KCNQ1: variants seen among roughly 807,000 people sequenced by gnomAD.
The protein encoded by KCNQ1 is potassium voltage-gated channel subfamily Q member 1.
KCNQ1 carries 49 observed loss-of-function variants against 72.4 expected under a neutral mutation model. That is an observed-to-expected ratio of 0.68 (90% CI 0.54 to 0.86). The LOEUF (loss-of-function observed/expected upper bound fraction) is 0.86. Among genes scored for constraint, KCNQ1 ranks in the 40% least tolerant of loss-of-function variants. KCNQ1 has a pLI of 0.00. For missense variants in KCNQ1, 790 were observed against 945.1 expected, an observed-to-expected ratio of 0.84 and a Z score of 2.15; for synonymous variants, 450 against 412.6, an observed-to-expected ratio of 1.09 and a Z score of -1.10.
At chr11:2,644,545 T>G (rs1849637162) in intron 10 of KCNQ1, 2 of 398,528 alleles carry the variant, frequency 5.0e-6, no homozygotes, top group Non-Finnish European at 8.8e-6. Context: ...TTTTCAAGGT[T>G]TCATCAATTT....
chr11:2,709,817 T>C (rs1850975918), intron 11 of KCNQ1, among the ~76,000 whole-genome samples: 1 of 152,240 alleles, frequency 6.6e-6, no homozygotes. Flanking sequence ...GTATCAGTGT[T>C]TCATTCCTTT....
Position 2,669,083 on chromosome 11 carries a change from G to A in KCNQ1, c.1514+7002G>A. 3 of 398,734 alleles carry A rather than the reference G, an allele frequency of 7.5e-6. No homozygotes were observed. The highest frequency in any genetic ancestry group is 1.3e-5 in the Non-Finnish European group (3 of 226,126). The allele number at this position is 398,734 out of a possible 1,614,324, so 24.7% of individuals were successfully genotyped here. On this transcript the variant is annotated intron_variant, in intron 11 of 15. Transcript: ENST00000155840. The surrounding 1 kb of genome is among the most constrained non-coding windows in gnomAD (Gnocchi z 5.6). ...CTCCCAACTACCCTGCCGTATCAGT[G>A]TCTTTACAATCAGCTCACTGGCTAC...
In KCNQ1 at chr11:2,471,645, CA is replaced by C. The variant is rs1846460319; in HGVS notation, c.386+26162del. 6.7e-6 allele frequency among the ~76,000 whole-genome samples: 1 copy of C among 149,064 alleles called. No individual in the cohort carries two copies. The highest frequency in any genetic ancestry group is 1.5e-5 in the Non-Finnish European group (1 of 67,230). On this transcript the variant is annotated intron_variant, in intron 1 of 15. Transcript: ENST00000155840. This position sits in a 1 kb window ranked among gnomAD's most constrained non-coding sequence, Gnocchi z 4.8. ...GTGCACGTATGCACGGATGTGTGTA[CA>C]CATGTGTATGGGTGTGTGCATGGGT...
At chr11:2,843,763 G>T (rs111293340) in intron 15 of KCNQ1, among the ~76,000 whole-genome samples, 1 of 152,218 alleles carries the variant, frequency 6.6e-6, no homozygotes, top group African/African-American at 2.4e-5. Context: ...TTTGATCGCC[G>T]GCCGCCCGGG....
rs199472677 is a variant in KCNQ1 at position 2,445,426 on chromosome 11, G to A, written c.328G>A (p.Val110Ile). 6.3e-5 allele frequency: 101 copies of A among 1,597,702 alleles called. No homozygotes were observed. The highest frequency in any genetic ancestry group is 1.6e-4 in the Middle Eastern group (1 of 6,070). Residue 110 changes from valine (V) to isoleucine (I), a missense_variant, in exon 1 of 16, where the codon GTC becomes ATC. Val to Ile is a conservative substitution (Grantham distance 29). Around this residue, in one of 5 missense-constraint regions of KCNQ1, gnomAD observed 294 missense variants for 323.3 expected, o/e 0.91. Coordinates refer to ENST00000155840, the MANE Select transcript of KCNQ1 (RefSeq NM_000218.3). ...VLARTHVQGR[V>I]YNFLERPTGW... ...GGCGCGCACCCACGTCCAGGGCCGC[G>A]TCTACAACTTCCTCGAGCGTCCCAC...
At chr11:2,594,569 C>G (rs142116549) in intron 10 of KCNQ1, among the ~76,000 whole-genome samples, 1 of 152,146 alleles carries the variant, frequency 6.6e-6, no homozygotes, top group Admixed American at 6.5e-5. Flanking sequence ...TCTTCCTCAG[C>G]TGTCTCATAG....
chr11:2,669,551 A>C lies in KCNQ1; in HGVS notation c.1514+7470A>C. ...GCTGAATCCAGGGACAAGGTCTGTC[A>C]GGGAGCCCTGGCCAGCTTGGGTCAT... is the stretch of plus-strand genomic sequence containing the variant. On this transcript the variant is annotated intron_variant, in intron 11 of 15. Transcript: ENST00000155840. This position sits in a 1 kb window ranked among gnomAD's most constrained non-coding sequence, Gnocchi z 5.6. 1 of 398,616 alleles carries C rather than the reference A, an allele frequency of 2.5e-6. No homozygotes were observed. Among genetic ancestry groups the C allele is most frequent in the Non-Finnish European group, 4.4e-6 (1 of 226,078 alleles). 24.7% of individuals were successfully genotyped at this position (398,616 alleles called of 1,614,324 possible).
At chr11:2,542,686 CTTG>C (rs1454922915) in intron 2 of KCNQ1, among the ~76,000 whole-genome samples, 2 of 152,120 alleles carry the variant, frequency 1.3e-5, no homozygotes, top group East Asian at 1.9e-4. Context: ...TTTTCTGGGG[CTTG>C]TTGTCAGTGC....
At position 2,746,039 on chromosome 11, in the gene KCNQ1, G is replaced by A. The variant is rs778933525; in HGVS notation, c.1515-22805G>A. ...TGAGTAGCTGGGACTACAGGTGTGC[G>A]CCACCACACCTAGCTAATTTTTGTA... On this transcript the variant is annotated intron_variant, in intron 11 of 15. Transcript: ENST00000155840. This position sits in a 1 kb window ranked among gnomAD's most constrained non-coding sequence, Gnocchi z 5.9. 9.2e-5 allele frequency among the ~76,000 whole-genome samples: 14 copies of A among 152,092 alleles called. No homozygotes were observed. The highest frequency in any genetic ancestry group is 2.0e-4 in the Admixed American group (3 of 15,272).
rs1850232512 is a variant in KCNQ1 at position 2,673,747 on chromosome 11, G to T, written c.1514+11666G>T. On this transcript the variant is annotated intron_variant, in intron 11 of 15. Coordinates refer to ENST00000155840, the MANE Select transcript of KCNQ1 (RefSeq NM_000218.3). This position sits in a 1 kb window ranked among gnomAD's most constrained non-coding sequence, Gnocchi z 4.5. ...AGGCCCAGACTGGACAGGGGAAGGGGTACAGTCCCTTCTTGCTGGTATGTT... is the reference window on the plus strand; with the variant it reads ...AGGCCCAGACTGGACAGGGGAAGGGTTACAGTCCCTTCTTGCTGGTATGTT... 2 of 398,564 alleles carry T rather than the reference G, an allele frequency of 5.0e-6. No homozygotes were observed. Among genetic ancestry groups the T allele is most frequent in the Middle Eastern group, 6.3e-4 (1 of 1,590 alleles). The allele number at this position is 398,564 out of a possible 1,614,324, so 24.7% of individuals were successfully genotyped here. A position where few individuals can be genotyped will look rare whatever the true frequency, so the allele number is the denominator to read the frequency against.
At chr11:2,660,575 CAGGCA>C in intron 10 of KCNQ1, 1 of 398,602 alleles carries the variant, frequency 2.5e-6, no homozygotes, top group Non-Finnish European at 4.4e-6. Flanking sequence ...AGGACATGAA[CAGGCA>C]ATTCTGCAAG....
rs1200697201 is a variant in KCNQ1, at chr11:2,815,158, T to A, written c.1795-32609T>A. On this transcript the variant is annotated intron_variant, in intron 15 of 15. Coordinates refer to ENST00000155840, the MANE Select transcript of KCNQ1 (RefSeq NM_000218.3). The surrounding 1 kb of genome is among the most constrained non-coding windows in gnomAD (Gnocchi z 5.4). Reference sequence around the variant, plus strand: ...CCAATCCCTCCCCAAATTACCCCCATGCTCAGGGTGTCACTGAGGGTCCCA... The same window carrying A: ...CCAATCCCTCCCCAAATTACCCCCAAGCTCAGGGTGTCACTGAGGGTCCCA... 6.6e-6 allele frequency among the ~76,000 whole-genome samples: 1 copy of A among 152,168 alleles called. No homozygotes were observed. The highest frequency in any genetic ancestry group is 1.9e-4 in the East Asian group (1 of 5,194).
At chr11:2,742,409 C>T (rs1846070824) in intron 11 of KCNQ1, among the ~76,000 whole-genome samples, 1 of 152,244 alleles carries the variant, frequency 6.6e-6, no homozygotes, top group South Asian at 2.1e-4. Context: ...CTCACGGCCA[C>T]CTGGCCACTG....
rs1383035176 is a variant in KCNQ1, at chr11:2,620,211, A to ATATTTTT, written c.1393+31358_1393+31359insATTTTTT. 3.1e-5 allele frequency: 8 copies of ATATTTTT among 261,998 alleles called. No individual in the cohort carries two copies. Among genetic ancestry groups the ATATTTTT allele is most frequent in the African/African-American group, 7.9e-5 (3 of 38,118 alleles). The allele number at this position is 261,998 out of a possible 1,614,324, so 16.2% of individuals were successfully genotyped here. A position where few individuals can be genotyped will look rare whatever the true frequency, so the allele number is the denominator to read the frequency against. On this transcript the variant is annotated intron_variant, in intron 10 of 15. Coordinates refer to ENST00000155840, the MANE Select transcript of KCNQ1 (RefSeq NM_000218.3). The surrounding 1 kb of genome is among the most constrained non-coding windows in gnomAD (Gnocchi z 4.5). ...TAAGTTCATTCATGTATATATATAT[A>ATATTTTT]TTTTTTTTTTTTATTTTTTTTTTAG...
chr11:2,558,413 G>A (rs1026467698), intron 2 of KCNQ1, among the ~76,000 whole-genome samples: 1 of 150,552 alleles, frequency 6.6e-6, no homozygotes, highest in Non-Finnish European at 1.5e-5. Context: ...CAGTGTGCTG[G>A]GGGTCTCCAG....
At position 2,772,011 on chromosome 11, in the gene KCNQ1, G is replaced by A. The variant is rs1483165183; in HGVS notation, c.1590+3092G>A. Among the ~76,000 whole-genome samples the A allele has an allele frequency of 6.6e-6, 1 of 152,150 alleles. No individual in the cohort carries two copies. Among genetic ancestry groups the A allele is most frequent in the Non-Finnish European group, 1.5e-5 (1 of 68,012 alleles). ...GCCTTGCAGAAACCTGGCAACAGCA[G>A]GATCCTCGCAGGGCACAGAGGCTCC... On this transcript the variant is annotated intron_variant, in intron 12 of 15. Transcript: ENST00000155840. The surrounding 1 kb of genome is among the most constrained non-coding windows in gnomAD (Gnocchi z 6.6).
chr11:2,551,041 A>G (rs993946629), intron 2 of KCNQ1, among the ~76,000 whole-genome samples: 2 of 152,116 alleles, frequency 1.3e-5, no homozygotes, highest in Non-Finnish European at 1.5e-5. Context: ...AGATTAACTA[A>G]AAAGTATTGT....
rs926917875 is a variant in KCNQ1 at position 2,688,239 on chromosome 11, G to A, written c.1514+26158G>A. 20 of 398,660 alleles carry A rather than the reference G, an allele frequency of 5.0e-5. No individual in the cohort carries two copies. The Admixed American group carries it at 6.6e-4, about 13-fold the overall frequency. The allele number at this position is 398,660 out of a possible 1,614,324, so 24.7% of individuals were successfully genotyped here. ...CCAAAGGTTGTAGCCACTCATACAG[G>A]GCTGTTTGATCTGAGAGGGAGGCGC... On this transcript the variant is annotated intron_variant, in intron 11 of 15. Coordinates refer to ENST00000155840, the MANE Select transcript of KCNQ1 (RefSeq NM_000218.3).
chr11:2,705,976 G>C (rs1850905456), intron 11 of KCNQ1, among the ~76,000 whole-genome samples: 1 of 152,162 alleles, frequency 6.6e-6, no homozygotes, highest in African/African-American at 2.4e-5. Flanking sequence ...AAGGTCCTTA[G>C]AGAACCTGAA....
Sources: allele counts gnomAD v4.1 joint callset (sites outside exome capture counted in the v4.1 genomes callset), GRCh38; gene constraint gnomAD v4.1.1; regional missense constraint gnomAD v4.1.1; non-coding constraint Gnocchi (gnomAD v3.1); transcripts MANE v1.5; gene names NCBI Gene and HGNC (gene_info 2026-07-23, HGNC 2026-07-21).